Variants in NR2C2 observed in about 807,000 individuals in gnomAD.
NR2C2 encodes nuclear receptor subfamily 2 group C member 2.
In NR2C2, 6 loss-of-function variants were observed where a neutral mutation model predicts 62.9. The ratio of observed to expected loss-of-function variants is 0.10; its 90% confidence interval spans 0.05 to 0.19. NR2C2 has a LOEUF of 0.19. NR2C2 is among the 10% of genes least tolerant of loss of function. The pLI is 1.00. For missense variants in NR2C2, 479 were observed against 762.7 expected (o/e 0.63, Z 4.38); for synonymous variants, 272 against 273.8 (o/e 0.99, Z 0.07).
At chr3:14,948,304 T>C (rs1407477879) in intron 1 of NR2C2, 1 of 152,350 alleles carries the variant, frequency 6.6e-6, no homozygotes, top group Non-Finnish European at 1.5e-5. Context: ...CTGCCGGGAT[T>C]TTCACCCCTC....
chr3:14,961,269 G>A (rs183645116), intron 1 of NR2C2, among the ~76,000 whole-genome samples: 23 of 152,306 alleles, frequency 1.5e-4, no homozygotes, highest in African/African-American at 5.3e-4. Context: ...ATAGAATGAT[G>A]TAGAAAGTTA....
At chr3:14,969,148 A>T (rs998042615) in intron 1 of NR2C2, among the ~76,000 whole-genome samples, 2 of 152,230 alleles carry the variant, frequency 1.3e-5, no homozygotes, top group Middle Eastern at 3.4e-3. Context: ...ATAATAAATT[A>T]AAAAAAGAAA....
intron 2 of NR2C2, among the ~76,000 whole-genome samples, chr3:15,013,236 T>C (rs1195383140): frequency 6.6e-6 from 1 of 152,220 alleles, no homozygotes; most frequent in African/African-American, 2.4e-5. Flanking sequence ...ATCAGTAGCA[T>C]TTCAAAAGAG....
At chr3:15,032,533 G>A (rs200676425) in intron 10 of NR2C2, 33 bp downstream of exon 10, 91 of 1,614,038 alleles carry the variant, frequency 5.6e-5, no homozygotes, top group Admixed American at 2.3e-4. Flanking sequence ...TGTATCCTCG[G>A]GCAGGAGCCT....
intron 1 of NR2C2, among the ~76,000 whole-genome samples, chr3:14,971,885 T>C (rs1362634071): frequency 6.6e-6 from 1 of 151,202 alleles, no homozygotes; most frequent in East Asian, 1.9e-4. Context: ...CTCGGCTCAC[T>C]GCAACCTCCG....
intron 3 of NR2C2, 93 bp downstream of exon 3, chr3:15,013,882 C>T (rs1057359636): frequency 2.2e-6 from 3 of 1,345,166 alleles, no homozygotes; most frequent in East Asian, 2.4e-5. Context: ...CCAAATCCAT[C>T]CCTGGAAGGT....
chr3:14,963,831 A>G (rs971505199), intron 1 of NR2C2, among the ~76,000 whole-genome samples: 4 of 152,180 alleles, frequency 2.6e-5, no homozygotes, highest in African/African-American at 9.7e-5. Context: ...TACATATGCC[A>G]GTTTAAACCG....
chr3:15,013,509 G>A (rs761792414), intron 2 of NR2C2, 80 bp from the exon 3 acceptor site: 7 of 1,274,516 alleles, frequency 5.5e-6, no homozygotes, highest in South Asian at 1.3e-5. Flanking sequence ...GTTTTTGGCA[G>A]TCACCACTTT....
At chr3:14,952,624 C>G (rs1483332837) in intron 1 of NR2C2, among the ~76,000 whole-genome samples, 1 of 151,972 alleles carries the variant, frequency 6.6e-6, no homozygotes, top group African/African-American at 2.4e-5. Flanking sequence ...TTTTTTCTTC[C>G]CTGTGTGATC....
intron 1 of NR2C2, among the ~76,000 whole-genome samples, chr3:14,977,622 A>G (rs939689417): frequency 3.9e-5 from 6 of 151,932 alleles, no homozygotes; most frequent in East Asian, 3.8e-4. Context: ...TTTCTTTCCT[A>G]TGGAAGCTTT....
intron 1 of NR2C2, among the ~76,000 whole-genome samples, chr3:14,993,394 C>A (rs1409142353): frequency 6.6e-6 from 1 of 150,440 alleles, no homozygotes; most frequent in Admixed American, 6.6e-5. Context: ...GCGGAGGTTA[C>A]AGTGAGCCGA....
intron 1 of NR2C2, among the ~76,000 whole-genome samples, chr3:14,996,354 C>G (rs377196351): frequency 1.3e-5 from 2 of 152,198 alleles, no homozygotes; most frequent in East Asian, 3.9e-4. Context: ...CACATTAGCA[C>G]ATTGTATCAT....
intron 11 of NR2C2, 68 bp downstream of exon 11, chr3:15,034,877 G>A (rs2042066637): frequency 1.4e-6 from 2 of 1,455,978 alleles, no homozygotes; most frequent in Non-Finnish European, 1.8e-6. Context: ...GCAGAGCCCA[G>A]CCCCCTGGTT....
chr3:15,013,494 G>A, intron 2 of NR2C2, 95 bp from the exon 3 acceptor site: 1 of 979,718 alleles, frequency 1.0e-6, no homozygotes, highest in Admixed American at 2.0e-5. Flanking sequence ...TTAATTCAAG[G>A]ACTGGTTTTT....
chr3:14,996,814 G>A (rs1245327134), intron 1 of NR2C2, among the ~76,000 whole-genome samples: 3 of 152,092 alleles, frequency 2.0e-5, no homozygotes, highest in Non-Finnish European at 4.4e-5. Flanking sequence ...CGCCCGCCTC[G>A]GCCTCCCAAA....
At chr3:14,980,506 A>G (rs1427489378) in intron 1 of NR2C2, among the ~76,000 whole-genome samples, 1 of 152,150 alleles carries the variant, frequency 6.6e-6, no homozygotes, top group African/African-American at 2.4e-5. Context: ...TGCTTCTACT[A>G]TTATGTGATA....
At chr3:15,023,971 T>G in intron 6 of NR2C2, 144 bp from the exon 7 acceptor site, 1 of 644,702 alleles carries the variant, frequency 1.6e-6, no homozygotes, top group Non-Finnish European at 2.7e-6. Flanking sequence ...GGGGTTCTGC[T>G]TAGTCACTAA....
In NR2C2 at chr3:15,048,062, G is replaced by A. The variant is rs2042518572; in HGVS notation, c.*5054G>A. The stretch of plus-strand genomic sequence containing the variant: ...AGGGGCCTGCTGGAAGGAATCACTA[G>A]ATTGCTGCAAAAACTCACATAATCC... On this transcript the variant is annotated 3_prime_UTR_variant, in exon 14 of 14. Transcript: ENST00000425241. The A allele has an allele frequency of 6.6e-6, 1 of 152,628 alleles. No homozygotes were observed. Among genetic ancestry groups the A allele is most frequent in the Non-Finnish European group, 1.5e-5 (1 of 68,052 alleles). The allele number at this position is 152,628 out of a possible 1,614,324, so 9.5% of individuals were successfully genotyped here.
chr3:15,020,432 G>A (rs537892811), intron 4 of NR2C2, among the ~76,000 whole-genome samples: 21 of 152,342 alleles, frequency 1.4e-4, no homozygotes, highest in South Asian at 2.1e-4. Flanking sequence ...GAGTTCAGCC[G>A]TCACCTGTGA....
Sources: allele counts gnomAD v4.1 joint callset (sites outside exome capture counted in the v4.1 genomes callset), GRCh38; gene constraint gnomAD v4.1.1; transcripts MANE v1.5; gene names NCBI Gene and HGNC (gene_info 2026-07-23, HGNC 2026-07-21).